The following CCDC62 variants were observed in gnomAD, a reference collection of about 807,000 sequenced individuals.
CCDC62 encodes coiled-coil domain containing 62.
CCDC62 carries 72 observed loss-of-function variants against 80.8 expected under a neutral mutation model. The ratio of observed to expected loss-of-function variants is 0.89; its 90% CI spans 0.74 to 1.08. The LOEUF (loss-of-function observed/expected upper bound fraction) is 1.08, where lower values mean the gene tolerates loss of function less well. CCDC62 is among the 50% of genes least tolerant of loss of function. The pLI is 0.00. For synonymous variants in CCDC62, 286 were observed against 296.5 expected (o/e 0.96, Z 0.36); for missense variants, 704 against 809.4 (o/e 0.87, Z 1.58).
In CCDC62 at chr12:122,798,161, A is replaced by T. The variant is rs78361567; in HGVS notation, c.938A>T (p.Tyr313Phe). Residue 313 changes from tyrosine (Y) to phenylalanine (F), a missense_variant, in exon 8 of 13, where the codon TAT becomes TTT. Tyr to Phe is a conservative substitution (Grantham distance 22). Transcript: ENST00000253079. Reference sequence around the variant, plus strand: ...AATTCTCAGGAATTAATACAGATGTATGACTCAAAGATGGAGGAATCAAAG... The same window carrying T: ...AATTCTCAGGAATTAATACAGATGTTTGACTCAAAGATGGAGGAATCAAAG... Reference protein sequence around the residue: ...VENSQELIQMYDSKMEESKAL... With the variant: ...VENSQELIQMFDSKMEESKAL... 1,339 of 1,589,394 alleles carry T rather than the reference A, an allele frequency of 8.4e-4. 14 individuals carry two copies. In the African/African-American group the frequency reaches 0.016, roughly 19 times the overall value.
At chr12:122,825,049 G>GC (rs1347770292) in intron 12 of CCDC62, among the ~76,000 whole-genome samples, 1 of 149,868 alleles carries the variant, frequency 6.7e-6, no homozygotes, top group Non-Finnish European at 1.5e-5. Context: ...TCGTGCCATT[G>GC]CACACCAGCC....
At chr12:122,774,992 G>A (rs1349937128) in intron 1 of CCDC62, among the ~76,000 whole-genome samples, 3 of 150,464 alleles carry the variant, frequency 2.0e-5, no homozygotes, top group Non-Finnish European at 4.4e-5. Context: ...TACTCGGGAG[G>A]CTGAGGCAGG....
intron 10 of CCDC62, among the ~76,000 whole-genome samples, chr12:122,810,314 A>G (rs1171536843): frequency 6.6e-6 from 1 of 152,204 alleles, no homozygotes; most frequent in Non-Finnish European, 1.5e-5. Context: ...AACTCCAACA[A>G]ATTTACAAGA....
chr12:122,808,918 T>C (rs190607642), intron 10 of CCDC62, among the ~76,000 whole-genome samples: 4 of 152,312 alleles, frequency 2.6e-5, no homozygotes, highest in African/African-American at 9.6e-5. Context: ...CAGTCAATAC[T>C]TGCAATGGTC....
intron 11 of CCDC62, among the ~76,000 whole-genome samples, chr12:122,816,556 C>T (rs1204178897): frequency 6.6e-6 from 1 of 152,122 alleles, no homozygotes; most frequent in Non-Finnish European, 1.5e-5. Context: ...AAAAACCCCA[C>T]CTCTACAAAA....
chr12:122,781,012 G>A (rs1879821472), intron 2 of CCDC62, 152 bp from the exon 3 acceptor site: 1 of 603,632 alleles, frequency 1.7e-6, no homozygotes, highest in Non-Finnish European at 2.9e-6. Flanking sequence ...TTGATTAGGT[G>A]TGATATTGTG....
At position 122,824,180 on chromosome 12, in the gene CCDC62, C is replaced by T. The variant is rs533647998; in HGVS notation, c.*40+721C>T. Among the ~76,000 whole-genome samples the T allele has an allele frequency of 7.7e-4, 117 of 152,182 alleles. No homozygotes were observed. In the South Asian group the frequency reaches 0.017, roughly 22 times the overall value. ...CCCATAATCATAGCACTTTGGGAGG[C>T]CAAGGCGGGTGGATCACTTGAGGCC... On this transcript the variant is annotated intron_variant, in intron 12 of 12. Transcript: ENST00000253079.
chr12:122,804,954 G>A lies in CCDC62; in HGVS notation c.1707-1197G>A, dbSNP rs532078120. 1.1e-4 allele frequency among the ~76,000 whole-genome samples: 16 copies of A among 149,106 alleles called. 1 individual carries two copies. The highest frequency in any genetic ancestry group is 4.0e-4 in the African/African-American group (16 of 40,342). On this transcript the variant is annotated intron_variant, in intron 9 of 12. Transcript: ENST00000253079. ...GCCTGGAGTGCAATGGCACGATCTCGGCTCACTGCAACCTCTGCCTCCCGG... is the reference window on the plus strand; with the variant it reads ...GCCTGGAGTGCAATGGCACGATCTCAGCTCACTGCAACCTCTGCCTCCCGG...
Position 122,774,578 on chromosome 12 carries a change from G to A in CCDC62, c.-93G>A. ...GAGGGCGCGGGGCCCCGGGGCTCCG[G>A]GCTCGCCCCCGCCGCTCGGGGCAGG... On this transcript the variant is annotated 5_prime_UTR_variant, in exon 1 of 13. Transcript: ENST00000253079. 1 of 1,012,152 alleles carries A rather than the reference G, an allele frequency of 9.9e-7. No homozygotes were observed. The allele number at this position is 1,012,152 out of a possible 1,614,324, so 62.7% of individuals were successfully genotyped here.
intron 8 of CCDC62, among the ~76,000 whole-genome samples, chr12:122,800,917 A>G (rs2031262478): frequency 6.6e-6 from 1 of 152,160 alleles, no homozygotes; most frequent in African/African-American, 2.4e-5. Context: ...TGTAGACAGT[A>G]AGTGCAATAA....
chr12:122,819,593 A>G (rs767905643), intron 11 of CCDC62, among the ~76,000 whole-genome samples: 5 of 152,210 alleles, frequency 3.3e-5, no homozygotes, highest in African/African-American at 4.8e-5. Flanking sequence ...CCACCCACCC[A>G]GTGTCCAGCA....
At chr12:122,789,235 G>A (rs1380320680) in intron 5 of CCDC62, among the ~76,000 whole-genome samples, 1 of 152,194 alleles carries the variant, frequency 6.6e-6, no homozygotes, top group Non-Finnish European at 1.5e-5. Flanking sequence ...CTCAGTGGCA[G>A]ACAGTCGTAG....
intron 12 of CCDC62, 39 bp downstream of exon 12, chr12:122,823,498 A>T: frequency 1.1e-6 from 1 of 947,058 alleles, no homozygotes; most frequent in Non-Finnish European, 1.7e-6. Flanking sequence ...TATCTCAATT[A>T]ATATTTAATA....
chr12:122,812,787 G>GAAAGAA (rs921649634), intron 10 of CCDC62, among the ~76,000 whole-genome samples: 4 of 124,936 alleles, frequency 3.2e-5, no homozygotes, highest in African/African-American at 1.1e-4. Context: ...GAGAAAGAAA[G>GAAAGAA]AAAGAAAGAA....
chr12:122,782,045 C>T lies in CCDC62; in HGVS notation c.396+715C>T, dbSNP rs147429508. 9.0e-3 allele frequency among the ~76,000 whole-genome samples: 1,275 copies of T among 141,282 alleles called. 6 individuals carry two copies. The highest frequency in any genetic ancestry group is 0.031 in the South Asian group (140 of 4,512). The allele number at this position is 141,282 out of a possible 152,430, so 92.7% of individuals were successfully genotyped here. A position where few individuals can be genotyped will look rare whatever the true frequency, so the allele number is the denominator to read the frequency against. Reference sequence around the variant, plus strand: ...GGTGACAAAAAAAAAAAAAAAAAAGCGTATGTAAGCCAAGCACAGTGGTGT... The same window carrying T: ...GGTGACAAAAAAAAAAAAAAAAAAGTGTATGTAAGCCAAGCACAGTGGTGT... On this transcript the variant is annotated intron_variant, in intron 3 of 12. Coordinates refer to ENST00000253079, the MANE Select transcript of CCDC62 (RefSeq NM_201435.5).
chr12:122,802,561 A>G (rs1010507417), intron 9 of CCDC62, among the ~76,000 whole-genome samples: 1 of 151,594 alleles, frequency 6.6e-6, no homozygotes, highest in Non-Finnish European at 1.5e-5. Flanking sequence ...TTAAAGGCAC[A>G]CACCACCATG....
chr12:122,784,875 T>C (rs554472693), intron 3 of CCDC62, among the ~76,000 whole-genome samples: 37 of 149,552 alleles, frequency 2.5e-4, no homozygotes, highest in Non-Finnish European at 4.9e-4. Context: ...GTGCAGTGGC[T>C]CGCCTGTAAT....
chr12:122,826,153 A>G (rs887627044), intron 12 of CCDC62, among the ~76,000 whole-genome samples: 8 of 152,110 alleles, frequency 5.3e-5, no homozygotes, highest in Admixed American at 2.0e-4. Context: ...GCGTACAGGC[A>G]TTTCGGATCT....
intron 10 of CCDC62, among the ~76,000 whole-genome samples, chr12:122,807,785 ACAAT>A (rs916851734): frequency 5.9e-5 from 9 of 152,148 alleles, no homozygotes; most frequent in African/African-American, 2.2e-4. Context: ...CTATTCCCAG[ACAAT>A]CACTCACTAA....
Sources: allele counts gnomAD v4.1 joint callset (sites outside exome capture counted in the v4.1 genomes callset), GRCh38; gene constraint gnomAD v4.1.1; transcripts MANE v1.5; gene names NCBI Gene and HGNC (gene_info 2026-07-23, HGNC 2026-07-21).